The following CCDC7 variants were observed in gnomAD, a reference collection of about 807,000 sequenced individuals.
CCDC7 encodes the protein coiled-coil domain-containing protein 7.
A neutral mutation model predicts 196.9 loss-of-function variants in CCDC7; 183 were observed. That is an observed-to-expected ratio of 0.93 (90% CI 0.82 to 1.05). The LOEUF is 1.05. Among genes scored for constraint, CCDC7 ranks in the 50% least tolerant of loss-of-function variants. CCDC7 has a pLI of 0.00. For synonymous variants in CCDC7, 525 were observed against 484.6 expected (o/e 1.08, Z -1.10); for missense variants, 1,540 against 1,482.2 (o/e 1.04, Z -0.64).
intron 3 of CCDC7, among the ~76,000 whole-genome samples, chr10:32,458,533 G>A: frequency 6.6e-6 from 1 of 150,688 alleles, no homozygotes; most frequent in East Asian, 1.9e-4. Context: ...GGCCAGGCTG[G>A]AGTGCAGTGG....
intron 21 of CCDC7, among the ~76,000 whole-genome samples, chr10:32,683,352 G>T (rs180959774): frequency 1.3e-5 from 2 of 152,108 alleles, no homozygotes; most frequent in South Asian, 4.1e-4. Flanking sequence ...CTTGGTCTAT[G>T]TGTATGTTTT....
intron 18 of CCDC7, among the ~76,000 whole-genome samples, chr10:32,627,574 TTCTTG>T (rs752800040): frequency 1.6e-4 from 24 of 152,136 alleles, no homozygotes; most frequent in Admixed American, 5.9e-4. Context: ...AGAGTGGGCA[TTCTTG>T]TCTTGTCCAG....
chr10:32,805,222 A>C, intron 30 of CCDC7, 124 bp downstream of exon 31: 1 of 657,434 alleles, frequency 1.5e-6, no homozygotes, highest in Non-Finnish European at 2.7e-6. Context: ...TCTCATGAAT[A>C]CCCTCCCATA....
intron 32 of CCDC7, among the ~76,000 whole-genome samples, chr10:32,828,510 G>GAAGAAGAAGA (rs2091685185): frequency 6.9e-6 from 1 of 145,046 alleles, no homozygotes; most frequent in Non-Finnish European, 1.5e-5. Context: ...AGAAGAAGAA[G>GAAGAAGAAGA]AAGAAGAAGA....
chr10:32,791,870 A>C (rs1376502561), intron 29 of CCDC7, among the ~76,000 whole-genome samples: 1 of 152,196 alleles, frequency 6.6e-6, no homozygotes. Flanking sequence ...AGATCCATGA[A>C]GCTCAAAGTT....
chr10:32,788,166 G>A (rs150015113), intron 29 of CCDC7, among the ~76,000 whole-genome samples: 7 of 152,124 alleles, frequency 4.6e-5, no homozygotes, highest in Admixed American at 6.5e-5. Flanking sequence ...ACCCCAGACC[G>A]ATCCCAGAGC....
chr10:32,822,796 AAAGCTC>A, intron 31 of CCDC7, among the ~76,000 whole-genome samples: 1 of 152,314 alleles, frequency 6.6e-6, no homozygotes, highest in East Asian at 1.9e-4. Flanking sequence ...CACATTTTTA[AAAGCTC>A]AGGAACTCTA....
chr10:32,535,700 T>A (rs1274782372), intron 11 of CCDC7, among the ~76,000 whole-genome samples: 1 of 152,196 alleles, frequency 6.6e-6, no homozygotes, highest in Non-Finnish European at 1.5e-5. Flanking sequence ...TAGCAAATGT[T>A]TCCTGTTTAG....
rs1592600498 is a variant in CCDC7, at chr10:32,772,166, G to T, written c.2906-6811G>T. 2.0e-5 allele frequency among the ~76,000 whole-genome samples: 3 copies of T among 152,304 alleles called. No individual in the cohort carries two copies. The East Asian group carries it at 5.8e-4, about 29-fold the overall frequency. ...AAGCAGCAACCCCTGTGGGTGTTGG[G>T]GAATGGGAGTGGTCTCAGACCACTG... On this transcript the variant is annotated intron_variant, in intron 28 of 41. Coordinates refer to ENST00000639629, the Ensembl canonical transcript of CCDC7.
Position 32,477,408 on chromosome 10 carries a change from G to C in CCDC7, c.796+3385G>C, listed in dbSNP as rs142832778. ...AGTAGAGATGGGGTTTCACCATGTT[G>C]GTCAGGCTGGTCTCGAACTCCTGAA... On this transcript the variant is annotated intron_variant, in intron 8 of 41. Coordinates refer to ENST00000639629, the Ensembl canonical transcript of CCDC7. Among the ~76,000 whole-genome samples the C allele has an allele frequency of 8.6e-3, 1,305 of 151,916 alleles. 28 individuals are homozygous for C. Among genetic ancestry groups the C allele is most frequent in the African/African-American group, 0.029 (1,205 of 41,412 alleles).
At chr10:32,557,767 C>T (rs2054609862) in intron 13 of CCDC7, among the ~76,000 whole-genome samples, 1 of 152,052 alleles carries the variant, frequency 6.6e-6, no homozygotes, top group South Asian at 2.1e-4. Flanking sequence ...TCATAGCTCA[C>T]TGCAGCTTTG....
At chr10:32,521,340 A>G (rs1453355767) in intron 11 of CCDC7, among the ~76,000 whole-genome samples, 1 of 152,108 alleles carries the variant, frequency 6.6e-6, no homozygotes, top group Non-Finnish European at 1.5e-5. Flanking sequence ...TGACTCCTCC[A>G]TCTATGAACA....
At chr10:32,603,815 A>G (rs889206411) in intron 18 of CCDC7, among the ~76,000 whole-genome samples, 1 of 151,990 alleles carries the variant, frequency 6.6e-6, no homozygotes, top group African/African-American at 2.4e-5. Flanking sequence ...TTTCTTTGCT[A>G]TTGAATTGTT....
intron 18 of CCDC7, among the ~76,000 whole-genome samples, chr10:32,604,096 C>G (rs1024216022): frequency 1.3e-5 from 2 of 151,982 alleles, no homozygotes; most frequent in African/African-American, 4.8e-5. Flanking sequence ...TACATTTAAG[C>G]CTTTAATGTA....
At chr10:32,625,690 A>G (rs1241028139) in intron 18 of CCDC7, among the ~76,000 whole-genome samples, 1 of 152,076 alleles carries the variant, frequency 6.6e-6, no homozygotes, top group Non-Finnish European at 1.5e-5. Context: ...TTCCTCGTGA[A>G]TAACTGAGAT....
chr10:32,469,217 A>T (rs2037448889), intron 5 of CCDC7, among the ~76,000 whole-genome samples: 1 of 151,576 alleles, frequency 6.6e-6, no homozygotes, highest in African/African-American at 2.5e-5. Flanking sequence ...GGAAAGTTTA[A>T]TATAAAGAAT....
chr10:32,716,407 A>G lies in CCDC7; in HGVS notation c.2569+4677A>G, dbSNP rs2081584749. On this transcript the variant is annotated intron_variant, in intron 25 of 41. Transcript: ENST00000639629. Reference sequence around the variant, plus strand: ...AGAGCTCCTGAAGGAAGCACTAAATATGGAAAGGAAAAACTGGTAGCAGCC... The same window carrying G: ...AGAGCTCCTGAAGGAAGCACTAAATGTGGAAAGGAAAAACTGGTAGCAGCC... Among the ~76,000 whole-genome samples the G allele has an allele frequency of 2.0e-5, 3 of 152,234 alleles. No individual in the cohort carries two copies. In the South Asian group the frequency reaches 6.2e-4, roughly 32 times the overall value.
chr10:32,759,906 C>A (rs1440498237), intron 28 of CCDC7, among the ~76,000 whole-genome samples: 2 of 151,856 alleles, frequency 1.3e-5, no homozygotes, highest in East Asian at 3.9e-4. Flanking sequence ...AAGAAAAAAA[C>A]AAACAACCCC....
chr10:32,450,441 A>T (rs562546573), upstream of CCDC7, among the ~76,000 whole-genome samples: 1 of 152,328 alleles, frequency 6.6e-6, no homozygotes, highest in East Asian at 1.9e-4. Flanking sequence ...TATCTTTTTC[A>T]GGGACACAGT....
Sources: allele counts gnomAD v4.1 joint callset (sites outside exome capture counted in the v4.1 genomes callset), GRCh38; gene constraint gnomAD v4.1.1; transcripts MANE v1.5; gene names NCBI Gene and HGNC (gene_info 2026-07-23, HGNC 2026-07-21).